Variants in SH3KBP1 observed in about 807,000 individuals in gnomAD.
SH3KBP1 encodes SH3 domain containing kinase binding protein 1, also known as SH3 domain-containing kinase-binding protein 1.
In SH3KBP1, 8 loss-of-function variants were observed where a neutral mutation model predicts 50.1. The ratio of observed to expected loss-of-function variants is 0.16; its 90% CI spans 0.09 to 0.29. The LOEUF is 0.29. Among genes scored for constraint, SH3KBP1 ranks in the 10% least tolerant of loss-of-function variants. SH3KBP1 has a pLI of 1.00. For missense variants in SH3KBP1, 377 were observed against 535.2 expected (o/e 0.70, Z 2.92); for synonymous variants, 227 against 218.6 (o/e 1.04, Z -0.34).
rs1479443625 is a variant in SH3KBP1 at position 19,534,150 on chromosome X, T to C, written c.*2267A>G. The C allele has an allele frequency of 3.6e-5, 4 of 110,571 alleles. No homozygotes were observed. Among genetic ancestry groups the C allele is most frequent in the Non-Finnish European group, 7.6e-5 (4 of 52,819 alleles). The allele number at this position is 110,571 out of a possible 1,213,427, so 9.1% of individuals were successfully genotyped here. On this transcript the variant is annotated 3_prime_UTR_variant, in exon 18 of 18. Coordinates refer to ENST00000397821, the MANE Select transcript of SH3KBP1 (RefSeq NM_031892.3). ...TTCAAAAGTGATACTTCCAAGCTTT[T>C]CAACATTCTCGATGGGTCCATTTTG... is the stretch of plus-strand genomic sequence containing the variant.
intron 1 of SH3KBP1, among the ~76,000 whole-genome samples, chrX:19,846,711 AAAAT>A (rs2068375854): frequency 8.9e-6 from 1 of 112,252 alleles, no homozygotes; most frequent in Non-Finnish European, 1.9e-5. Context: ...TATGTGAAAT[AAAAT>A]AATTAGAAAA....
intron 8 of SH3KBP1, among the ~76,000 whole-genome samples, chrX:19,619,655 G>A (rs2067743585): frequency 9.0e-6 from 1 of 111,024 alleles, no homozygotes; most frequent in African/African-American, 3.3e-5. Context: ...GGTGGCGCAT[G>A]CCTATAATCC....
chrX:19,652,211 G>A (rs927807846), intron 6 of SH3KBP1, among the ~76,000 whole-genome samples: 5 of 111,272 alleles, frequency 4.5e-5, no homozygotes, highest in African/African-American at 1.6e-4. Context: ...CATTTGTCTG[G>A]GATGTCTTCC....
chrX:19,610,725 T>C (rs905137708), intron 8 of SH3KBP1, among the ~76,000 whole-genome samples: 2 of 111,323 alleles, frequency 1.8e-5, no homozygotes, highest in Non-Finnish European at 3.8e-5. Context: ...AAATGAGTGC[T>C]CTAGTACCAA....
At chrX:19,606,987 G>C (rs1473563899) in intron 9 of SH3KBP1, among the ~76,000 whole-genome samples, 1 of 112,706 alleles carries the variant, frequency 8.9e-6, no homozygotes. Flanking sequence ...ATGGTCTATG[G>C]GCCGTAATCT....
intron 13 of SH3KBP1, among the ~76,000 whole-genome samples, chrX:19,567,613 G>A (rs1351293460): frequency 1.2e-5 from 1 of 85,981 alleles, no homozygotes; most frequent in African/African-American, 4.6e-5. Flanking sequence ...TAGTAAAACT[G>A]TGAAAATCTG....
At chrX:19,637,137 G>A (rs1348092307) in intron 7 of SH3KBP1, among the ~76,000 whole-genome samples, 1 of 112,144 alleles carries the variant, frequency 8.9e-6, no homozygotes, top group Non-Finnish European at 1.9e-5. Flanking sequence ...CATATAATAC[G>A]TAACATCCTC....
At chrX:19,886,438 C>T (rs893321280) in intron 1 of SH3KBP1, among the ~76,000 whole-genome samples, 6 of 112,111 alleles carry the variant, frequency 5.4e-5, no homozygotes, top group Non-Finnish European at 3.8e-5. Flanking sequence ...CATTTAATAG[C>T]CCAAGTAATC....
intron 1 of SH3KBP1, among the ~76,000 whole-genome samples, chrX:19,886,614 G>A (rs961904589): frequency 5.4e-5 from 6 of 111,658 alleles, no homozygotes; most frequent in African/African-American, 2.0e-4. Context: ...CCAGGTCCCA[G>A]ACCCTGAAGA....
rs2066776490 is a variant in SH3KBP1, at chrX:19,592,436, GAA to G, written c.1058-291_1058-290del. ...TCCTTAGGCATCAATATAGTCACAGGAAATCACCGGGTGGGGGTGGAGAATGT... is the reference window on the plus strand; with the variant it reads ...TCCTTAGGCATCAATATAGTCACAGGATCACCGGGTGGGGGTGGAGAATGT... On this transcript the variant is annotated intron_variant, in intron 10 of 17. Transcript: ENST00000397821. 3.6e-5 allele frequency among the ~76,000 whole-genome samples: 4 copies of G among 111,775 alleles called. No homozygotes were observed. The South Asian group carries it at 1.5e-3, about 42-fold the overall frequency.
chrX:19,841,375 T>C (rs983984746), intron 1 of SH3KBP1, among the ~76,000 whole-genome samples: 3 of 112,444 alleles, frequency 2.7e-5, no homozygotes, highest in African/African-American at 6.5e-5. Flanking sequence ...CAATAAATAT[T>C]TGAATAAACC....
chrX:19,663,788 G>A (rs1291012214), intron 6 of SH3KBP1, among the ~76,000 whole-genome samples: 1 of 112,155 alleles, frequency 8.9e-6, no homozygotes, highest in African/African-American at 3.2e-5. Context: ...TATGCTTCAA[G>A]TTAAATGGGG....
chrX:19,591,153 T>C (rs2066738499), intron 11 of SH3KBP1, among the ~76,000 whole-genome samples: 1 of 110,492 alleles, frequency 9.1e-6, no homozygotes, highest in South Asian at 3.9e-4. Flanking sequence ...GGCAGGCTGA[T>C]ATCAAATATC....
In SH3KBP1 at chrX:19,588,811, C is replaced by A. The variant is rs967435715; in HGVS notation, c.1139-9G>T. 27 of 1,120,203 alleles carry A rather than the reference C, an allele frequency of 2.4e-5. No homozygotes were observed. In the Admixed American group the frequency reaches 3.7e-4, roughly 15 times the overall value. The allele number at this position is 1,120,203 out of a possible 1,213,427, so 92.3% of individuals were successfully genotyped here. On this transcript the variant is annotated splice_polypyrimidine_tract_variant and intron_variant, in intron 11 of 17. Coordinates refer to ENST00000397821, the MANE Select transcript of SH3KBP1 (RefSeq NM_031892.3). ...CTCTCTCTCTGGTCTTTCTTTAAAT[C>A]ATTGTTTAAAGAAAACAGATAGATC...
chrX:19,584,281 AAATAT>A (rs1386702662), intron 12 of SH3KBP1, among the ~76,000 whole-genome samples: 1 of 95,388 alleles, frequency 1.0e-5, no homozygotes, highest in Non-Finnish European at 2.0e-5. Context: ...ATATATATAT[AAATAT>A]ATTTATATTT....
intron 1 of SH3KBP1, among the ~76,000 whole-genome samples, chrX:19,885,675 G>A (rs1183935610): frequency 1.8e-5 from 2 of 110,658 alleles, no homozygotes; most frequent in Admixed American, 9.6e-5. Context: ...TAACCCTCTC[G>A]GTGACCCACC....
chrX:19,706,777 G>T (rs1175716323), intron 4 of SH3KBP1, 104 bp downstream of exon 4: 1 of 602,797 alleles, frequency 1.7e-6, no homozygotes, highest in Non-Finnish European at 2.6e-6. Flanking sequence ...TAACTTCAAG[G>T]CCAAACAGCC....
chrX:19,650,388 C>T (rs1026862924), intron 6 of SH3KBP1, among the ~76,000 whole-genome samples: 4 of 112,212 alleles, frequency 3.6e-5, no homozygotes, highest in African/African-American at 1.3e-4. Flanking sequence ...TCCTTCTTCA[C>T]ATGGCCACAG....
intron 12 of SH3KBP1, among the ~76,000 whole-genome samples, chrX:19,588,110 T>C (rs1569314494): frequency 8.9e-6 from 1 of 111,742 alleles, no homozygotes; most frequent in Non-Finnish European, 1.9e-5. Flanking sequence ...GCATAAAGCA[T>C]GTCCCCAGCC....
Sources: gnomAD v4.1 joint callset for allele counts (sites outside exome capture counted in the v4.1 genomes callset) on GRCh38, gnomAD v4.1.1 for gene constraint, MANE v1.5 for transcripts, NCBI Gene and HGNC (gene_info 2026-07-23, HGNC 2026-07-21) for gene names.